The following NKAIN1 variants were observed in gnomAD, a reference collection of about 807,000 sequenced individuals.
NKAIN1 encodes sodium/potassium-transporting ATPase subunit beta-1-interacting protein 1.
A neutral mutation model predicts 31.6 loss-of-function variants in NKAIN1; 13 were observed. The ratio of observed to expected loss-of-function variants is 0.41; its 90% CI spans 0.27 to 0.65. NKAIN1 has a LOEUF of 0.65. Among genes scored for constraint, NKAIN1 ranks in the 30% least tolerant of loss-of-function variants. NKAIN1 has a pLI of 0.30. For synonymous variants in NKAIN1, 104 were observed against 109.0 expected (o/e 0.95, Z 0.28); for missense variants, 193 against 262.2 (o/e 0.74, Z 1.82).
At chr1:31,221,468 G>A (rs1244962865) in intron 1 of NKAIN1, among the ~76,000 whole-genome samples, 2 of 152,086 alleles carry the variant, frequency 1.3e-5, no homozygotes, top group African/African-American at 4.8e-5. Flanking sequence ...ACGGAGTCTT[G>A]CTCTGTCGCC....
rs182340527 is a variant in NKAIN1 at position 31,220,483 on chromosome 1, G to A, written c.54+19011C>T. Among the ~76,000 whole-genome samples the A allele has an allele frequency of 5.2e-4, 79 of 152,044 alleles. No homozygotes were observed. In the East Asian group the frequency reaches 9.8e-3, roughly 19 times the overall value. On this transcript the variant is annotated intron_variant, in intron 1 of 6. Transcript: ENST00000373736. ...GAATAAGCACCCAGTGGCCGGGCACGGTGGCTCACGCCTATAATCCTGGCA... is the reference window on the plus strand; with the variant it reads ...GAATAAGCACCCAGTGGCCGGGCACAGTGGCTCACGCCTATAATCCTGGCA...
intron 1 of NKAIN1, among the ~76,000 whole-genome samples, chr1:31,216,219 G>A (rs960296904): frequency 2.0e-5 from 3 of 152,014 alleles, no homozygotes; most frequent in Non-Finnish European, 4.4e-5. Context: ...GGATCTGTTG[G>A]AGGAAGCAAT....
intron 1 of NKAIN1, among the ~76,000 whole-genome samples, chr1:31,230,744 T>C (rs536868702): frequency 1.5e-5 from 2 of 135,486 alleles, no homozygotes; most frequent in Non-Finnish European, 3.5e-5. Flanking sequence ...GTGGGTTACA[T>C]AGTAGGTATA....
At chr1:31,210,045 C>T (rs1035176789) in intron 1 of NKAIN1, among the ~76,000 whole-genome samples, 1 of 151,458 alleles carries the variant, frequency 6.6e-6, no homozygotes, top group Admixed American at 6.6e-5. Context: ...GATCCAGCAT[C>T]ATCCAACACA....
At chr1:31,196,287 G>T (rs1290584455) in intron 1 of NKAIN1, among the ~76,000 whole-genome samples, 4 of 152,104 alleles carry the variant, frequency 2.6e-5, no homozygotes, top group African/African-American at 9.7e-5. Flanking sequence ...GCCGAGGCGG[G>T]TGGATCACGA....
rs1645185891 is a variant in NKAIN1, at chr1:31,180,108, C to G, written c.*1595G>C. 6.6e-6 allele frequency: 1 copy of G among 152,358 alleles called. No homozygotes were observed. Among genetic ancestry groups the G allele is most frequent in the South Asian group, 2.1e-4 (1 of 4,820 alleles). 9.4% of individuals were successfully genotyped at this position (152,358 alleles called of 1,614,324 possible). ...TGGGATGGTGGGGTGGGGTTGCCAG[C>G]CTTGCTCAGGATATTTTGGCCTTAG... On this transcript the variant is annotated 3_prime_UTR_variant, in exon 7 of 7. Coordinates refer to ENST00000373736, the MANE Select transcript of NKAIN1 (RefSeq NM_024522.3).
intron 1 of NKAIN1, among the ~76,000 whole-genome samples, chr1:31,228,987 A>G (rs1645627777): frequency 6.6e-6 from 1 of 152,138 alleles, no homozygotes; most frequent in Non-Finnish European, 1.5e-5. Context: ...GAAAGCTGCT[A>G]ACAGAGTTCA....
At chr1:31,198,376 C>A (rs1032286583) in intron 1 of NKAIN1, among the ~76,000 whole-genome samples, 1 of 152,146 alleles carries the variant, frequency 6.6e-6, no homozygotes, top group African/African-American at 2.4e-5. Context: ...CAGTGAACAG[C>A]TCATTGTGAA....
chr1:31,216,836 G>C (rs528591758), intron 1 of NKAIN1, among the ~76,000 whole-genome samples: 75 of 151,354 alleles, frequency 5.0e-4, no homozygotes, highest in African/African-American at 1.7e-3. Context: ...TGGGATTATA[G>C]GTGGCTGCCA....
At chr1:31,210,028 A>G (rs886665143) in intron 1 of NKAIN1, among the ~76,000 whole-genome samples, 13 of 151,700 alleles carry the variant, frequency 8.6e-5, no homozygotes, top group Non-Finnish European at 1.0e-4. Flanking sequence ...GAGGACTCAC[A>G]ATGGCTGATC....
intron 4 of NKAIN1, among the ~76,000 whole-genome samples, 157 bp downstream of exon 4, chr1:31,183,660 C>T (rs1028932571): frequency 5.9e-5 from 9 of 152,046 alleles, no homozygotes; most frequent in Non-Finnish European, 1.3e-4. Flanking sequence ...GTTGGTCAGT[C>T]TGGTCTTGAA....
chr1:31,204,676 A>G (rs1217242597), intron 1 of NKAIN1, among the ~76,000 whole-genome samples: 1 of 152,224 alleles, frequency 6.6e-6, no homozygotes, highest in Non-Finnish European at 1.5e-5. Context: ...GGATAAATAA[A>G]ATGGTGATTA....
chr1:31,238,593 C>T lies in NKAIN1; in HGVS notation c.54+901G>A, dbSNP rs982295904. Among the ~76,000 whole-genome samples, 4 of 152,202 alleles carry T rather than the reference C, an allele frequency of 2.6e-5. No homozygotes were observed. The East Asian group carries it at 5.8e-4, about 22-fold the overall frequency. ...TTCTTCTAGTCCACTACAGTCACTC[C>T]TCCCTGAGACAAGAACCTGAGTTCC... On this transcript the variant is annotated intron_variant, in intron 1 of 6. Transcript: ENST00000373736.
intron 1 of NKAIN1, among the ~76,000 whole-genome samples, chr1:31,205,365 G>A (rs573001999): frequency 2.7e-4 from 41 of 152,178 alleles, no homozygotes; most frequent in African/African-American, 9.4e-4. Context: ...CTGGAGTGCA[G>A]TGTCACAATC....
At chr1:31,224,769 C>T (rs1049620063) in intron 1 of NKAIN1, among the ~76,000 whole-genome samples, 5 of 152,352 alleles carry the variant, frequency 3.3e-5, no homozygotes, top group South Asian at 2.1e-4. Flanking sequence ...CCCACCAGCA[C>T]GGAGGTGACA....
intron 1 of NKAIN1, among the ~76,000 whole-genome samples, chr1:31,220,913 C>G (rs570810915): frequency 6.6e-6 from 1 of 152,232 alleles, no homozygotes; most frequent in Non-Finnish European, 1.5e-5. Flanking sequence ...GGCCACACTC[C>G]ATGTCCACAC....
intron 1 of NKAIN1, among the ~76,000 whole-genome samples, chr1:31,229,539 T>A (rs960579293): frequency 6.6e-6 from 1 of 152,070 alleles, no homozygotes; most frequent in East Asian, 1.9e-4. Context: ...CCAGCTAATC[T>A]TTTACATTTT....
At chr1:31,199,215 G>C (rs1379924902) in intron 1 of NKAIN1, among the ~76,000 whole-genome samples, 1 of 152,176 alleles carries the variant, frequency 6.6e-6, no homozygotes, top group Non-Finnish European at 1.5e-5. Flanking sequence ...TAAGGACAGG[G>C]AGGCCTGAGT....
intron 1 of NKAIN1, among the ~76,000 whole-genome samples, chr1:31,201,753 T>G (rs1645381902): frequency 6.6e-6 from 1 of 152,200 alleles, no homozygotes; most frequent in Non-Finnish European, 1.5e-5. Context: ...CCAACCAGTC[T>G]GGGGCCAAAC....
Sources: gnomAD v4.1 joint callset for allele counts (sites outside exome capture counted in the v4.1 genomes callset) on GRCh38, gnomAD v4.1.1 for gene constraint, MANE v1.5 for transcripts, NCBI Gene and HGNC (gene_info 2026-07-23, HGNC 2026-07-21) for gene names.